The following FBXL2 variants were observed in gnomAD, a reference collection of about 807,000 sequenced individuals.
FBXL2 encodes F-box and leucine rich repeat protein 2, also known as F-box/LRR-repeat protein 2.
A neutral mutation model predicts 69.2 loss-of-function variants in FBXL2; 38 were observed. The observed-to-expected ratio is 0.55, with a 90% CI of 0.42 to 0.72. The LOEUF (loss-of-function observed/expected upper bound fraction) is 0.72. FBXL2 is among the 30% of genes least tolerant of loss of function. The pLI is 0.00. For synonymous variants in FBXL2, 192 were observed against 201.3 expected, an observed-to-expected ratio of 0.95 and a Z score of 0.39; for missense variants, 354 against 520.3, an observed-to-expected ratio of 0.68 and a Z score of 3.11.
intron 12 of FBXL2, chr3:33,397,444 C>G (rs2044046564): frequency 5.4e-6 from 1 of 186,650 alleles, no homozygotes; most frequent in South Asian, 1.9e-4. Context: ...TATTTAGTGA[C>G]TGGGTTGTGG....
chr3:33,320,728 C>T (rs1163106311), intron 2 of FBXL2, among the ~76,000 whole-genome samples: 1 of 152,054 alleles, frequency 6.6e-6, no homozygotes, highest in Non-Finnish European at 1.5e-5. Context: ...ATCCACCTTC[C>T]TCGGCCTCCC....
intron 12 of FBXL2, among the ~76,000 whole-genome samples, chr3:33,400,762 C>T (rs777798620): frequency 3.3e-5 from 5 of 152,118 alleles, no homozygotes; most frequent in African/African-American, 4.8e-5. Flanking sequence ...TTCAGTATTT[C>T]GTAGCAGAGT....
chr3:33,364,251 C>A, intron 4 of FBXL2: 1 of 233,440 alleles, frequency 4.3e-6, no homozygotes, highest in Non-Finnish European at 8.5e-6. Context: ...GATCTCTGCT[C>A]AGTGGCTGGT....
intron 2 of FBXL2, among the ~76,000 whole-genome samples, chr3:33,331,475 G>T (rs1394476692): frequency 6.6e-6 from 1 of 152,066 alleles, no homozygotes; most frequent in Non-Finnish European, 1.5e-5. Flanking sequence ...CCCTCCCCCT[G>T]TTCTTCTTAA....
chr3:33,394,837 T>TTTA (rs1553670571), intron 12 of FBXL2, among the ~76,000 whole-genome samples: 6 of 150,180 alleles, frequency 4.0e-5, no homozygotes, highest in Non-Finnish European at 7.4e-5. Flanking sequence ...TTTTTTTTTT[T>TTTA]AAATAAAGTT....
chr3:33,371,609 T>C (rs2042311611), intron 5 of FBXL2, among the ~76,000 whole-genome samples: 1 of 152,242 alleles, frequency 6.6e-6, no homozygotes, highest in Admixed American at 6.5e-5. Context: ...TTATGCTATT[T>C]GTGTCAGTTT....
At chr3:33,368,987 T>A (rs1236298211) in intron 5 of FBXL2, among the ~76,000 whole-genome samples, 1 of 152,218 alleles carries the variant, frequency 6.6e-6, no homozygotes, top group Non-Finnish European at 1.5e-5. Context: ...ATCTACCCTC[T>A]TGCTGTTTGT....
chr3:33,343,076 T>A (rs1475331095), intron 2 of FBXL2, among the ~76,000 whole-genome samples: 1 of 151,768 alleles, frequency 6.6e-6, no homozygotes, highest in Non-Finnish European at 1.5e-5. Context: ...AGCCATCTGT[T>A]TTTTTTGCTT....
chr3:33,397,145 A>C lies in FBXL2; in HGVS notation n.1215-6089A>C, dbSNP rs372440069. The C allele has an allele frequency of 1.1e-5, 17 of 1,565,120 alleles. No homozygotes were observed. The African/African-American group carries it at 1.9e-4, about 18-fold the overall frequency. ...TTTAATAAGTCGGCACCTAGAGAAG[A>C]GCAAAAATATTTTTCTCAAATAAAT... On this transcript the variant is annotated intron_variant and non_coding_transcript_variant, in intron 12 of 12. Transcript: ENST00000463736.
At chr3:33,414,974 T>C in the FBXL2 span, among the ~76,000 whole-genome samples, 10 of 85,966 alleles carry the variant, frequency 1.2e-4, no homozygotes, top group Non-Finnish European at 2.1e-4. Flanking sequence ...CATTACGTCA[T>C]AATGAGGTGT....
the FBXL2 span, among the ~76,000 whole-genome samples, chr3:33,422,596 G>A: frequency 2.0e-5 from 3 of 151,806 alleles, no homozygotes; most frequent in African/African-American, 7.3e-5. Context: ...ATGGTGTCCT[G>A]TGCCTGTAGT....
downstream of FBXL2, chr3:33,388,200 TA>T (rs1182988235): frequency 2.0e-5 from 3 of 151,710 alleles, no homozygotes; most frequent in African/African-American, 7.3e-5. Flanking sequence ...TTTCAGAAAA[TA>T]AACTGAAAAG....
chr3:33,330,898 AACACACACACACACAAACAC>A (rs1055429587), intron 2 of FBXL2, among the ~76,000 whole-genome samples: 40 of 148,500 alleles, frequency 2.7e-4, no homozygotes, highest in African/African-American at 9.4e-4. Flanking sequence ...CACACACACA[AACACACACACACACAAACAC>A]ACACACACAC....
chr3:33,296,131 T>C (rs557053824), intron 1 of FBXL2, among the ~76,000 whole-genome samples: 2 of 152,144 alleles, frequency 1.3e-5, no homozygotes, highest in Non-Finnish European at 2.9e-5. Flanking sequence ...AGTGGCGTGA[T>C]CTTGGCTCAC....
chr3:33,349,104 A>C (rs2040652576), intron 2 of FBXL2, among the ~76,000 whole-genome samples: 1 of 152,060 alleles, frequency 6.6e-6, no homozygotes, highest in South Asian at 2.1e-4. Context: ...GATGCCCTTT[A>C]TTTCTTTCCC....
chr3:33,316,299 T>G (rs776163758), intron 2 of FBXL2, among the ~76,000 whole-genome samples: 2 of 151,998 alleles, frequency 1.3e-5, no homozygotes, highest in Non-Finnish European at 2.9e-5. Context: ...CCTCAAGTGA[T>G]CCACCCACCT....
At chr3:33,348,368 G>A (rs1315654800) in intron 2 of FBXL2, among the ~76,000 whole-genome samples, 1 of 151,964 alleles carries the variant, frequency 6.6e-6, no homozygotes, top group Non-Finnish European at 1.5e-5. Context: ...TTCCATATGT[G>A]TCTGTTTCTA....
At chr3:33,385,416 AG>A in intron 14 of FBXL2, 84 bp from the exon 15 acceptor site, 1 of 1,174,482 alleles carries the variant, frequency 8.5e-7, no homozygotes. Context: ...TTTTTAATAG[AG>A]GACTATAGGT....
the FBXL2 span, among the ~76,000 whole-genome samples, chr3:33,414,382 T>G: frequency 6.6e-6 from 1 of 152,040 alleles, no homozygotes; most frequent in African/African-American, 2.4e-5. Flanking sequence ...GACTGCATTT[T>G]CAGAACTAGC....
Sources: allele counts gnomAD v4.1 joint callset (sites outside exome capture counted in the v4.1 genomes callset), GRCh38; gene constraint gnomAD v4.1.1; transcripts MANE v1.5; gene names NCBI Gene and HGNC (gene_info 2026-07-23, HGNC 2026-07-21).